Variants in ASIC1 observed in about 807,000 individuals in gnomAD.
ASIC1 encodes acid-sensing ion channel 1.
A neutral mutation model predicts 63.4 loss-of-function variants in ASIC1; 21 were observed. The observed-to-expected ratio is 0.33, with a 90% CI of 0.23 to 0.48. The LOEUF (loss-of-function observed/expected upper bound fraction) is 0.48, where lower values mean the gene tolerates loss of function less well. Among genes scored for constraint, ASIC1 ranks in the 20% least tolerant of loss-of-function variants. The pLI is 0.99. For missense variants in ASIC1, 478 were observed against 695.5 expected (o/e 0.69, Z 3.52); for synonymous variants, 258 against 278.2 (o/e 0.93, Z 0.72).
rs775476676 is a variant in ASIC1 at position 50,078,881 on chromosome 12, C to T, written c.995-43C>T. The stretch of plus-strand genomic sequence containing the variant: ...TTGGTACTACCACCATCACCAGACC[C>T]CTTGAATTCCCATCCTGCATCATTG... On this transcript the variant is annotated intron_variant, in intron 6 of 11. Transcript: ENST00000447966. The surrounding 1 kb of genome is among the most constrained non-coding windows in gnomAD (Gnocchi z 6.0). 6.3e-7 allele frequency: 1 copy of T among 1,597,016 alleles called. No homozygotes were observed. The highest frequency in any genetic ancestry group is 1.7e-5 in the Admixed American group (1 of 59,982).
rs1950683425 is a variant in ASIC1 at position 50,078,632 on chromosome 12, T to C, written c.994+55T>C. 1 of 1,604,206 alleles carries C rather than the reference T, an allele frequency of 6.2e-7. No homozygotes were observed. The highest frequency in any genetic ancestry group is 1.7e-5 in the Admixed American group (1 of 59,726). On this transcript the variant is annotated intron_variant, in intron 6 of 11. Coordinates refer to ENST00000447966, the MANE Select transcript of ASIC1 (RefSeq NM_001095.4). This position sits in a 1 kb window ranked among gnomAD's most constrained non-coding sequence, Gnocchi z 6.0. ...GGGGTCCCTGGGCCTTTGCTGCCCT[T>C]CACTAGCTCCCCATCCATATCAATC...
rs1461692598 is a variant in ASIC1, at chr12:50,082,563, C to G, written c.*914C>G. On this transcript the variant is annotated 3_prime_UTR_variant, in exon 12 of 12. Coordinates refer to ENST00000447966, the MANE Select transcript of ASIC1 (RefSeq NM_001095.4). ...ATTTTCTATTTCTATATGATACAGA[C>G]TCTATATTGCTATATCTCTGTATAT... The G allele has an allele frequency of 1.3e-5, 2 of 152,592 alleles. No individual in the cohort carries two copies. The highest frequency in any genetic ancestry group is 2.4e-5 in the African/African-American group (1 of 41,402). 9.5% of individuals were successfully genotyped at this position (152,592 alleles called of 1,614,324 possible).
chr12:50,061,683 G>T (rs1950502319), intron 3 of ASIC1, among the ~76,000 whole-genome samples: 1 of 152,186 alleles, frequency 6.6e-6, no homozygotes, highest in African/African-American at 2.4e-5. Context: ...AATCTGAGGA[G>T]GTGCTAAGAT....
At position 50,077,210 on chromosome 12, in the gene ASIC1, C is replaced by T. The variant is rs1950664201; in HGVS notation, c.559-3C>T. On this transcript the variant is annotated splice_region_variant and splice_polypyrimidine_tract_variant and intron_variant, in intron 3 of 11. Coordinates refer to ENST00000447966, the MANE Select transcript of ASIC1 (RefSeq NM_001095.4). ...CTTAGGCTCTCCACTCTGCCCTCGCCAGGTCTTCACACGCTATGGAAAGTG... is the reference window on the plus strand; with the variant it reads ...CTTAGGCTCTCCACTCTGCCCTCGCTAGGTCTTCACACGCTATGGAAAGTG... The T allele has an allele frequency of 6.2e-7, 1 of 1,606,830 alleles. No homozygotes were observed. Among genetic ancestry groups the T allele is most frequent in the East Asian group, 2.2e-5 (1 of 44,822 alleles).
Position 50,073,839 on chromosome 12 carries a change from A to G in ASIC1, c.559-3374A>G, listed in dbSNP as rs982977651. On this transcript the variant is annotated intron_variant, in intron 3 of 11. Transcript: ENST00000447966. Reference sequence around the variant, plus strand: ...ACCACATTTTTGTGGAGGGGGGTCCAGGGCCAAGGCAGGTGCTGTGGGCGG... The same window carrying G: ...ACCACATTTTTGTGGAGGGGGGTCCGGGGCCAAGGCAGGTGCTGTGGGCGG... The G allele has an allele frequency of 2.0e-6, 3 of 1,531,328 alleles. No individual in the cohort carries two copies. The African/African-American group carries it at 4.1e-5, about 21-fold the overall frequency. 94.9% of individuals were successfully genotyped at this position (1,531,328 alleles called of 1,614,324 possible). A position where few individuals can be genotyped will look rare whatever the true frequency, so the allele number is the denominator to read the frequency against.
In ASIC1 at chr12:50,081,806, CCT is replaced by C; in HGVS notation, c.*164_*165del. 3.2e-6 allele frequency: 2 copies of C among 624,830 alleles called. No homozygotes were observed. The highest frequency in any genetic ancestry group is 3.9e-5 in the South Asian group (2 of 51,196). The allele number at this position is 624,830 out of a possible 1,614,324, so 38.7% of individuals were successfully genotyped here. A position where few individuals can be genotyped will look rare whatever the true frequency, so the allele number is the denominator to read the frequency against. ...AAGGAAGGAGTCTTGACCATAGAGT[CCT>C]CTCTCTGCCTCTATCCCATTCTTTT... On this transcript the variant is annotated 3_prime_UTR_variant, in exon 12 of 12. Coordinates refer to ENST00000447966, the MANE Select transcript of ASIC1 (RefSeq NM_001095.4).
intron 3 of ASIC1, among the ~76,000 whole-genome samples, chr12:50,062,791 G>A (rs890913519): frequency 2.3e-4 from 35 of 152,292 alleles, no homozygotes; most frequent in Admixed American, 1.8e-3. Context: ...GCAGTAACAG[G>A]CATTTCTCCA....
chr12:50,067,765 C>G (rs1950560585), intron 3 of ASIC1, among the ~76,000 whole-genome samples: 2 of 152,136 alleles, frequency 1.3e-5, no homozygotes, highest in South Asian at 2.1e-4. Context: ...CAATCATACT[C>G]TCTTTGTTTT....
At chr12:50,058,134 CT>C (rs1456133572) in intron 1 of ASIC1, among the ~76,000 whole-genome samples, 4 of 152,050 alleles carry the variant, frequency 2.6e-5, no homozygotes, top group Admixed American at 6.5e-5. Context: ...CGCGCCCCCC[CT>C]CCATACATCC....
chr12:50,081,009 T>C, intron 9 of ASIC1, 93 bp from the exon 10 acceptor site: 1 of 1,175,058 alleles, frequency 8.5e-7, no homozygotes, highest in Non-Finnish European at 1.2e-6. Context: ...CCAATCCCTT[T>C]GAGAATACAA....
chr12:50,073,799 C>T (rs190684002), intron 3 of ASIC1: 1 of 1,535,100 alleles, frequency 6.5e-7, no homozygotes, highest in Non-Finnish European at 8.7e-7. Flanking sequence ...AACAGCTGCA[C>T]CCTCCATGGC....
intron 8 of ASIC1, 24 bp downstream of exon 8, chr12:50,080,079 C>T (rs779080982): frequency 1.3e-6 from 2 of 1,592,440 alleles, no homozygotes; most frequent in East Asian, 4.5e-5. Flanking sequence ...CTGGGTAGAG[C>T]AAGGCCCTTG....
chr12:50,062,421 G>A (rs1292444076), intron 3 of ASIC1, among the ~76,000 whole-genome samples: 1 of 152,210 alleles, frequency 6.6e-6, no homozygotes, highest in Non-Finnish European at 1.5e-5. Context: ...AGACCATCTT[G>A]GCATCTTCTG....
Position 50,081,758 on chromosome 12 carries a change from A to G in ASIC1, c.*109A>G, listed in dbSNP as rs1172822271. 1 of 937,728 alleles carries G rather than the reference A, an allele frequency of 1.1e-6. No individual in the cohort carries two copies. Among genetic ancestry groups the G allele is most frequent in the East Asian group, 2.6e-5 (1 of 38,020 alleles). The allele number at this position is 937,728 out of a possible 1,614,324, so 58.1% of individuals were successfully genotyped here. ...CTGGGGACTCCCCACACTCCGGGGCAGATCTTTCCTCTTGTCTGTGGTAAG... is the reference window on the plus strand; with the variant it reads ...CTGGGGACTCCCCACACTCCGGGGCGGATCTTTCCTCTTGTCTGTGGTAAG... On this transcript the variant is annotated 3_prime_UTR_variant, in exon 12 of 12. Coordinates refer to ENST00000447966, the MANE Select transcript of ASIC1 (RefSeq NM_001095.4).
At chr12:50,066,457 C>T (rs964476997) in intron 3 of ASIC1, among the ~76,000 whole-genome samples, 2 of 152,126 alleles carry the variant, frequency 1.3e-5, no homozygotes, top group Non-Finnish European at 2.9e-5. Context: ...CTAGGAATCC[C>T]GTTCCCAAGT....
rs1950632268 is a variant in ASIC1, at chr12:50,074,350, G to A, written c.559-2863G>A. ...GGCTGGGGCTGGGGCTGGGGCTGAT[G>A]ACTGTGCTGCCCCCTACCTCATCTG... is the stretch of plus-strand genomic sequence containing the variant. On this transcript the variant is annotated intron_variant, in intron 3 of 11. Transcript: ENST00000447966. The surrounding 1 kb of genome is among the most constrained non-coding windows in gnomAD (Gnocchi z 4.2). The A allele has an allele frequency of 1.4e-6, 2 of 1,420,222 alleles. No individual in the cohort carries two copies. Among genetic ancestry groups the A allele is most frequent in the Non-Finnish European group, 1.8e-6 (2 of 1,089,874 alleles). 88.0% of individuals were successfully genotyped at this position (1,420,222 alleles called of 1,614,324 possible).
chr12:50,073,610 T>G, intron 3 of ASIC1: 1 of 1,533,780 alleles, frequency 6.5e-7, no homozygotes, highest in Non-Finnish European at 8.7e-7. Flanking sequence ...TTCTGCTCCA[T>G]GTCATTCTCC....
In ASIC1 at chr12:50,068,626, C is replaced by G. The variant is rs558037390; in HGVS notation, c.559-8587C>G. On this transcript the variant is annotated intron_variant, in intron 3 of 11. Coordinates refer to ENST00000447966, the MANE Select transcript of ASIC1 (RefSeq NM_001095.4). ...CCAATTTTCCCACTTAACGTCTCTACTTGGATGTCCCTAAGACTCCTCAAA... is the reference window on the plus strand; with the variant it reads ...CCAATTTTCCCACTTAACGTCTCTAGTTGGATGTCCCTAAGACTCCTCAAA... Among the ~76,000 whole-genome samples, 19 of 151,972 alleles carry G rather than the reference C, an allele frequency of 1.3e-4. No individual in the cohort carries two copies. The East Asian group carries it at 3.7e-3, about 29-fold the overall frequency.
intron 3 of ASIC1, among the ~76,000 whole-genome samples, chr12:50,072,576 C>A (rs537679728): frequency 6.6e-6 from 1 of 152,316 alleles, no homozygotes; most frequent in African/African-American, 2.4e-5. Flanking sequence ...CCCTGCCCCA[C>A]CCCCAGCACT....
Sources: gnomAD v4.1 joint callset for allele counts (sites outside exome capture counted in the v4.1 genomes callset) on GRCh38, gnomAD v4.1.1 for gene constraint, Gnocchi (gnomAD v3.1) non-coding constraint, MANE v1.5 for transcripts, NCBI Gene and HGNC (gene_info 2026-07-23, HGNC 2026-07-21) for gene names.